AMBRA1: variants seen among roughly 807,000 people sequenced by gnomAD.
AMBRA1 encodes the protein activating molecule in BECN1-regulated autophagy protein 1.
AMBRA1 carries 47 observed loss-of-function variants against 125.4 expected under a neutral mutation model. The observed-to-expected ratio is 0.37, with a 90% CI of 0.30 to 0.48. AMBRA1 has a LOEUF of 0.48. Ranked by LOEUF, AMBRA1 falls within the 20% of genes least tolerant of loss-of-function variation. The pLI, the probability that AMBRA1 is intolerant of heterozygous loss-of-function variation, is 0.99. For missense variants in AMBRA1, 1,331 were observed against 1,693.4 expected (o/e 0.79, Z 3.76); for synonymous variants, 626 against 655.5 (o/e 0.95, Z 0.69).
chr11:46,518,682 T>G (rs762552379), intron 7 of AMBRA1, among the ~76,000 whole-genome samples: 38 of 152,248 alleles, frequency 2.5e-4, no homozygotes, highest in Middle Eastern at 3.4e-3. Flanking sequence ...CTAAAACATT[T>G]GCTTACATAG....
intron 12 of AMBRA1, among the ~76,000 whole-genome samples, chr11:46,440,962 TC>T (rs1484674124): frequency 5.9e-5 from 9 of 152,318 alleles, no homozygotes; most frequent in African/African-American, 1.7e-4. Flanking sequence ...GAGTGGTAAT[TC>T]ATAAACCAAA....
chr11:46,417,332 G>A (rs1946590810), intron 15 of AMBRA1, among the ~76,000 whole-genome samples: 1 of 152,186 alleles, frequency 6.6e-6, no homozygotes, highest in Non-Finnish European at 1.5e-5. Context: ...TTACAGGCAT[G>A]AGCCACTGTG....
rs1945505437 is a variant in AMBRA1, at chr11:46,397,382, C to T, written c.*68G>A. 1.4e-6 allele frequency: 2 copies of T among 1,439,476 alleles called. No homozygotes were observed. The highest frequency in any genetic ancestry group is 1.7e-5 in the South Asian group (1 of 58,656). 89.2% of individuals were successfully genotyped at this position (1,439,476 alleles called of 1,614,324 possible). A position where few individuals can be genotyped will look rare whatever the true frequency, so the allele number is the denominator to read the frequency against. ...CAGCAGCTCTTCCACATGTCCAGTT[C>T]CCAGTCAGCTGTGAGGTCCGGTTTC... On this transcript the variant is annotated 3_prime_UTR_variant, in exon 18 of 18. Coordinates refer to ENST00000683756, the MANE Select transcript of AMBRA1 (RefSeq NM_001387011.1).
At chr11:46,589,645 A>G (rs964231140) in intron 1 of AMBRA1, among the ~76,000 whole-genome samples, 1 of 151,836 alleles carries the variant, frequency 6.6e-6, no homozygotes, top group Non-Finnish European at 1.5e-5. Context: ...TTTGAGACAG[A>G]GTCTCCCTCT....
At chr11:46,544,064 C>G in intron 5 of AMBRA1, 23 bp from the exon 6 acceptor site, 1 of 1,583,430 alleles carries the variant, frequency 6.3e-7, no homozygotes. Context: ...AAGAAAGAGA[C>G]AAAGACACAC....
intron 1 of AMBRA1, among the ~76,000 whole-genome samples, chr11:46,565,955 C>T (rs572170869): frequency 6.6e-6 from 1 of 151,906 alleles, no homozygotes; most frequent in Admixed American, 6.6e-5. Context: ...TTGTATTTTT[C>T]GTAAAGACAG....
chr11:46,569,824 G>A (rs1189849956), intron 1 of AMBRA1, among the ~76,000 whole-genome samples: 1 of 152,052 alleles, frequency 6.6e-6, no homozygotes, highest in Non-Finnish European at 1.5e-5. Context: ...AGCCAGGTGT[G>A]TTGGTATGCA....
chr11:46,516,287 A>G (rs189896584), intron 7 of AMBRA1, among the ~76,000 whole-genome samples: 25 of 152,120 alleles, frequency 1.6e-4, no homozygotes, highest in Admixed American at 3.3e-4. Context: ...AGTTCTTCAT[A>G]GTTACAATAC....
chr11:46,418,081 A>AGAAT (rs1395335072), intron 14 of AMBRA1, 29 bp from the exon 15 acceptor site: 1 of 1,532,914 alleles, frequency 6.5e-7, no homozygotes. Context: ...GGAAAAAAAG[A>AGAAT]GAATGGGAGG....
intron 14 of AMBRA1, among the ~76,000 whole-genome samples, chr11:46,425,538 T>C (rs1947084362): frequency 6.6e-6 from 1 of 152,042 alleles, no homozygotes; most frequent in Admixed American, 6.5e-5. Context: ...CTCACTGATA[T>C]CGGTTAGAAC....
At chr11:46,553,779 C>G (rs1437065868) in intron 1 of AMBRA1, among the ~76,000 whole-genome samples, 1 of 151,786 alleles carries the variant, frequency 6.6e-6, no homozygotes, top group African/African-American at 2.4e-5. Context: ...CAAAAAAACT[C>G]ACCAAGTTCC....
intron 14 of AMBRA1, among the ~76,000 whole-genome samples, chr11:46,418,267 T>C (rs1416630089): frequency 6.9e-6 from 1 of 144,580 alleles, no homozygotes; most frequent in Non-Finnish European, 1.5e-5. Context: ...ATTATTTATA[T>C]ATAATATGTT....
At chr11:46,493,145 G>A (rs920600589) in intron 11 of AMBRA1, among the ~76,000 whole-genome samples, 2 of 152,196 alleles carry the variant, frequency 1.3e-5, no homozygotes, top group African/African-American at 2.4e-5. Context: ...CTCCAAGGGC[G>A]TCTCCCTCTT....
At chr11:46,561,053 C>T (rs1380461873) in intron 1 of AMBRA1, among the ~76,000 whole-genome samples, 1 of 152,106 alleles carries the variant, frequency 6.6e-6, no homozygotes, top group Non-Finnish European at 1.5e-5. Context: ...CACATTGCCC[C>T]CAATTCTTCC....
At chr11:46,545,889 T>C (rs1952992400) in intron 4 of AMBRA1, 113 bp from the exon 5 acceptor site, 1 of 908,592 alleles carries the variant, frequency 1.1e-6, no homozygotes, top group African/African-American at 1.7e-5. Flanking sequence ...GGGACTACTT[T>C]AAATACATCC....
rs80015663 is a variant in AMBRA1 at position 46,498,750 on chromosome 11, T to C, written c.2340-4546A>G. ...GACAAATGGCTCTGACTTGGGCCTT[T>C]ATAAATGAAGCTCTTGCAGCAAAAA... On this transcript the variant is annotated intron_variant, in intron 9 of 17. Transcript: ENST00000683756. Among the ~76,000 whole-genome samples, 593 of 152,330 alleles carry C rather than the reference T, an allele frequency of 3.9e-3. 24 individuals carry two copies. In the East Asian group the frequency reaches 0.098, roughly 25 times the overall value.
Position 46,465,159 on chromosome 11 carries a change from C to A in AMBRA1, c.2522-21561G>T, listed in dbSNP as rs538734566. Among the ~76,000 whole-genome samples the A allele has an allele frequency of 1.6e-4, 24 of 152,284 alleles. No homozygotes were observed. The South Asian group carries it at 4.1e-3, about 26-fold the overall frequency. On this transcript the variant is annotated intron_variant, in intron 11 of 17. Coordinates refer to ENST00000683756, the MANE Select transcript of AMBRA1 (RefSeq NM_001387011.1). ...GCCCACACCTACAGCCCAGACCCTG[C>A]CAAAATTATTCAAACCGATCCAATC...
chr11:46,416,352 A>C (rs1946547126), intron 15 of AMBRA1, among the ~76,000 whole-genome samples: 1 of 152,172 alleles, frequency 6.6e-6, no homozygotes, highest in African/African-American at 2.4e-5. Flanking sequence ...TGCTCTCTGG[A>C]TGCTCCAGAG....
chr11:46,559,380 G>A (rs1178238734), intron 1 of AMBRA1, among the ~76,000 whole-genome samples: 1 of 152,034 alleles, frequency 6.6e-6, no homozygotes. Flanking sequence ...ATTTCATTAC[G>A]CACATGTCAT....
Sources: gnomAD v4.1 joint callset for allele counts (sites outside exome capture counted in the v4.1 genomes callset) on GRCh38, gnomAD v4.1.1 for gene constraint, MANE v1.5 for transcripts, NCBI Gene and HGNC (gene_info 2026-07-23, HGNC 2026-07-21) for gene names.